NAV3: variants seen among roughly 807,000 people sequenced by gnomAD.
NAV3 encodes the protein pore membrane and/or filament interacting like protein 1.
A neutral mutation model predicts 244.7 loss-of-function variants in NAV3; 87 were observed. The observed-to-expected ratio is 0.36, with a 90% CI of 0.30 to 0.42. The LOEUF (loss-of-function observed/expected upper bound fraction) is 0.42, where lower values mean the gene tolerates loss of function less well. Ranked by LOEUF, NAV3 falls within the 20% of genes least tolerant of loss-of-function variation. The probability of loss-of-function intolerance (pLI) is 1.00; values close to 1 mark genes in which losing one functional copy is unlikely to be tolerated. For missense variants in NAV3, 2,663 were observed against 2,893.3 expected (o/e 0.92, Z 1.83); for synonymous variants, 1,126 against 1,042.2 (o/e 1.08, Z -1.55).
Position 78,021,824 on chromosome 12 carries a change from A to G in NAV3, c.1985A>G (p.Tyr662Cys), listed in dbSNP as rs757618933. Reference sequence around the variant, plus strand: ...AGTCCTACAAAGATGGACTTATCATATAGTAAGACTGCTAAGCAGTGCCTG... The same window carrying G: ...AGTCCTACAAAGATGGACTTATCATGTAGTAAGACTGCTAAGCAGTGCCTG... ...CTSPTKMDLSYSKTAKQCLEE... is the reference protein window; with the variant it reads ...CTSPTKMDLSCSKTAKQCLEE... The change falls in exon 9 of 40, where the codon TAT becomes TGT. Residue 662 changes from tyrosine (Y) to cysteine (C), a missense_variant. Tyr to Cys is a radical substitution (Grantham distance 194). Around this residue, in one of 6 missense-constraint regions of NAV3, gnomAD observed 1,521 missense variants for 1,497.0 expected, o/e 1.02. Coordinates refer to ENST00000397909, the MANE Select transcript of NAV3 (RefSeq NM_001024383.2). 4 of 1,610,930 alleles carry G rather than the reference A, an allele frequency of 2.5e-6. No individual in the cohort carries two copies. The highest frequency in any genetic ancestry group is 3.4e-6 in the Non-Finnish European group (4 of 1,178,378).
At chr12:77,982,431 A>G (rs902499918) in intron 5 of NAV3, among the ~76,000 whole-genome samples, 3 of 152,338 alleles carry the variant, frequency 2.0e-5, no homozygotes, top group Non-Finnish European at 1.5e-5. Flanking sequence ...ATATTTAAGC[A>G]GATGGCTTAA....
chr12:77,587,913 T>A (rs1869690155), intron 2 of NAV3, among the ~76,000 whole-genome samples: 1 of 152,336 alleles, frequency 6.6e-6, no homozygotes, highest in Middle Eastern at 3.4e-3. Flanking sequence ...CGAGGTTAAC[T>A]GCTGGATAAT....
intron 1 of NAV3, among the ~76,000 whole-genome samples, chr12:77,918,260 T>C (rs1467691062): frequency 6.6e-6 from 1 of 152,100 alleles, no homozygotes; most frequent in Non-Finnish European, 1.5e-5. Context: ...TTTGGACAAG[T>C]TTCCATGGTC....
At chr12:78,039,121 A>C (rs1286610659) in intron 9 of NAV3, among the ~76,000 whole-genome samples, 1 of 152,164 alleles carries the variant, frequency 6.6e-6, no homozygotes, top group Non-Finnish European at 1.5e-5. Flanking sequence ...AAGTTTATTC[A>C]AATAGCTGTG....
intron 1 of NAV3, among the ~76,000 whole-genome samples, chr12:77,930,755 G>C (rs1279330304): frequency 6.6e-6 from 1 of 151,986 alleles, no homozygotes; most frequent in East Asian, 1.9e-4. Flanking sequence ...TTTTCTCTTA[G>C]AATGTTTTTG....
At position 77,873,744 on chromosome 12, in the gene NAV3, G is replaced by GTGTGTGTGTATATATATA. The variant is rs776225440; in HGVS notation, c.243+42041_243+42042insGTGTGTGTATATATATAT. 3.7e-4 allele frequency among the ~76,000 whole-genome samples: 27 copies of GTGTGTGTGTATATATATA among 73,176 alleles called. 1 individual carries two copies. The highest frequency in any genetic ancestry group is 2.0e-3 in the South Asian group (3 of 1,528). The allele number at this position is 73,176 out of a possible 152,430, so 48.0% of individuals were successfully genotyped here. On this transcript the variant is annotated intron_variant, in intron 1 of 39. Transcript: ENST00000397909. ...CTTATCTAAATACATATGTGTGTGT[G>GTGTGTGTGTATATATATA]TATATATATATATATATATATATGT...
chr12:78,074,706 A>G (rs1952955520), intron 12 of NAV3, among the ~76,000 whole-genome samples: 1 of 152,190 alleles, frequency 6.6e-6, no homozygotes, highest in Admixed American at 6.5e-5. Context: ...CTCTGTCTCA[A>G]AACAAACAAA....
chr12:77,961,375 TATTAA>T (rs1891960122), intron 3 of NAV3, among the ~76,000 whole-genome samples: 3 of 137,628 alleles, frequency 2.2e-5, no homozygotes, highest in Non-Finnish European at 3.1e-5. Context: ...ATAATAAATA[TATTAA>T]TATAAATACA....
chr12:78,193,808 G>T (rs952619313), intron 34 of NAV3, among the ~76,000 whole-genome samples: 1 of 152,046 alleles, frequency 6.6e-6, no homozygotes. Flanking sequence ...ATGAAAGAAA[G>T]CCACATTATA....
At chr12:77,967,708 T>C (rs1312733811) in intron 4 of NAV3, among the ~76,000 whole-genome samples, 1 of 152,090 alleles carries the variant, frequency 6.6e-6, no homozygotes, top group Non-Finnish European at 1.5e-5. Flanking sequence ...AGGAGAAAAA[T>C]GTAGGCTTAT....
At chr12:78,049,658 A>T (rs1882436055) in intron 9 of NAV3, among the ~76,000 whole-genome samples, 1 of 152,186 alleles carries the variant, frequency 6.6e-6, no homozygotes, top group South Asian at 2.1e-4. Flanking sequence ...CTATTCAGCC[A>T]TCTTTCTCAG....
intron 2 of NAV3, among the ~76,000 whole-genome samples, chr12:77,782,592 C>T (rs1331273756): frequency 6.6e-6 from 1 of 152,190 alleles, no homozygotes; most frequent in Non-Finnish European, 1.5e-5. Context: ...ACAGCCTGTA[C>T]ACTGGTAGCT....
chr12:77,942,978 T>G (rs1947791), intron 3 of NAV3, among the ~76,000 whole-genome samples: 35,155 of 152,106 alleles, frequency 0.23, 4,721 homozygotes, highest in East Asian at 0.33. Context: ...TAAAACATTT[T>G]AAGTCTAGAA....
chr12:77,815,850 A>G (rs1403995505), intron 2 of NAV3, among the ~76,000 whole-genome samples: 1 of 152,212 alleles, frequency 6.6e-6, no homozygotes, highest in Non-Finnish European at 1.5e-5. Flanking sequence ...CAATAAAACA[A>G]CAACCTAATG....
intron 12 of NAV3, among the ~76,000 whole-genome samples, chr12:78,100,390 C>T (rs1954479115): frequency 6.6e-6 from 1 of 151,768 alleles, no homozygotes; most frequent in South Asian, 2.1e-4. Flanking sequence ...TGTTTTATGC[C>T]TATATTGTAG....
At chr12:78,171,008 G>A (rs777552156) in intron 24 of NAV3, among the ~76,000 whole-genome samples, 13 of 151,694 alleles carry the variant, frequency 8.6e-5, no homozygotes, top group African/African-American at 1.4e-4. Context: ...TGCCCATGAT[G>A]ATGTCTTGCA....
At chr12:78,200,667 AAT>A in intron 38 of NAV3, 76 bp downstream of exon 38, 1 of 785,152 alleles carries the variant, frequency 1.3e-6, no homozygotes, top group Admixed American at 2.9e-5. Flanking sequence ...AGCAAAAAAA[AAT>A]ATCTGGGTAT....
At chr12:77,726,177 C>CA (rs35220100) in intron 2 of NAV3, among the ~76,000 whole-genome samples, 96,437 of 151,366 alleles carry the variant, frequency 0.64, 34,704 homozygotes, top group East Asian at 0.88. Context: ...ACCTTCTGTG[C>CA]ATTTTTCCAG....
chr12:77,886,016 C>G (rs1260696483), intron 1 of NAV3, among the ~76,000 whole-genome samples: 1 of 152,118 alleles, frequency 6.6e-6, no homozygotes, highest in Non-Finnish European at 1.5e-5. Flanking sequence ...TTGTCTACCT[C>G]TATTACCACT....
Sources: allele counts gnomAD v4.1 joint callset (sites outside exome capture counted in the v4.1 genomes callset), GRCh38; gene constraint gnomAD v4.1.1; regional missense constraint gnomAD v4.1.1; transcripts MANE v1.5; gene names NCBI Gene and HGNC (gene_info 2026-07-23, HGNC 2026-07-21).